LRMDA: variants seen among roughly 807,000 people sequenced by gnomAD.
LRMDA encodes the protein leucine-rich melanocyte differentiation-associated protein.
In LRMDA, 18 loss-of-function variants were observed where a neutral mutation model predicts 29.8. The observed-to-expected ratio is 0.60, with a 90% CI of 0.42 to 0.90. The LOEUF (loss-of-function observed/expected upper bound fraction) is 0.90. Ranked by LOEUF, LRMDA falls within the 40% of genes least tolerant of loss-of-function variation. LRMDA has a pLI of 0.00. For synonymous variants in LRMDA, 125 were observed against 109.4 expected (o/e 1.14, Z -0.89); for missense variants, 273 against 273.9 (o/e 1.00, Z 0.02).
intron 2 of LRMDA, among the ~76,000 whole-genome samples, chr10:75,472,489 A>G (rs1844738370): frequency 6.6e-6 from 1 of 152,234 alleles, no homozygotes; most frequent in African/African-American, 2.4e-5. Context: ...TGTAAGTGGC[A>G]GAACTCCCAA....
chr10:76,238,134 G>A (rs934627562), intron 5 of LRMDA, among the ~76,000 whole-genome samples: 2 of 152,006 alleles, frequency 1.3e-5, no homozygotes, highest in Admixed American at 1.3e-4. Flanking sequence ...CGAGGTCTTT[G>A]TATATCCTCT....
At chr10:76,451,441 G>A (rs748168034) in intron 6 of LRMDA, among the ~76,000 whole-genome samples, 17 of 151,882 alleles carry the variant, frequency 1.1e-4, no homozygotes, top group South Asian at 2.1e-4. Flanking sequence ...TCCTGACCTC[G>A]TGATCCGCCC....
intron 2 of LRMDA, among the ~76,000 whole-genome samples, chr10:75,466,010 C>T (rs1396534431): frequency 6.6e-6 from 1 of 152,192 alleles, no homozygotes; most frequent in East Asian, 1.9e-4. Flanking sequence ...TAGGCACTGC[C>T]CATCCATGGG....
At chr10:76,020,089 A>G (rs191048816) in intron 2 of LRMDA, among the ~76,000 whole-genome samples, 32 of 152,288 alleles carry the variant, frequency 2.1e-4, no homozygotes, top group African/African-American at 7.5e-4. Flanking sequence ...GTTTTCCTGG[A>G]TGCTGCATCA....
At chr10:75,940,521 C>T (rs1248063859) in intron 2 of LRMDA, among the ~76,000 whole-genome samples, 2 of 152,168 alleles carry the variant, frequency 1.3e-5, no homozygotes, top group Non-Finnish European at 2.9e-5. Flanking sequence ...TGAGAGTTTG[C>T]ACCCTGAGTT....
At chr10:76,352,539 G>A (rs569765247) in intron 6 of LRMDA, among the ~76,000 whole-genome samples, 11 of 152,040 alleles carry the variant, frequency 7.2e-5, no homozygotes, top group African/African-American at 2.4e-4. Context: ...GGAACAGGAT[G>A]GTGTGAGATT....
chr10:76,343,260 C>T (rs1018379279), intron 6 of LRMDA, among the ~76,000 whole-genome samples: 5 of 152,150 alleles, frequency 3.3e-5, no homozygotes, highest in Non-Finnish European at 7.3e-5. Flanking sequence ...TTGTGAAGTA[C>T]ATAAGGCCTT....
chr10:76,393,454 G>C (rs931897762), intron 6 of LRMDA, among the ~76,000 whole-genome samples: 2 of 152,008 alleles, frequency 1.3e-5, no homozygotes, highest in South Asian at 2.1e-4. Flanking sequence ...TTGATCATTT[G>C]TATGTCTTCT....
At chr10:75,879,576 A>T (rs1845259999) in intron 2 of LRMDA, among the ~76,000 whole-genome samples, 1 of 152,122 alleles carries the variant, frequency 6.6e-6, no homozygotes, top group Non-Finnish European at 1.5e-5. Context: ...ACTGGAATAT[A>T]AGGTCTGGGG....
rs748056788 is a variant in LRMDA at position 76,058,657 on chromosome 10, A to G, written c.399-9A>G. On this transcript the variant is annotated splice_polypyrimidine_tract_variant and intron_variant, in intron 4 of 6. Coordinates refer to ENST00000611255, the MANE Select transcript of LRMDA (RefSeq NM_001305581.2). ...ACTTCCTGAGTTGTCTCTGACTCTTATCTTCCAGATGCTTTGTTCTGTACA... is the reference window on the plus strand; with the variant it reads ...ACTTCCTGAGTTGTCTCTGACTCTTGTCTTCCAGATGCTTTGTTCTGTACA... 1 of 1,608,294 alleles carries G rather than the reference A, an allele frequency of 6.2e-7. No individual in the cohort carries two copies. Among genetic ancestry groups the G allele is most frequent in the Non-Finnish European group, 8.5e-7 (1 of 1,174,696 alleles).
At chr10:76,432,159 CT>C (rs1349681361) in intron 6 of LRMDA, among the ~76,000 whole-genome samples, 1 of 152,110 alleles carries the variant, frequency 6.6e-6, no homozygotes, top group Non-Finnish European at 1.5e-5. Flanking sequence ...ACTTCTTTCC[CT>C]GTATTTTAGT....
intron 2 of LRMDA, among the ~76,000 whole-genome samples, chr10:75,717,398 C>T (rs932403137): frequency 1.3e-5 from 2 of 152,196 alleles, no homozygotes; most frequent in South Asian, 2.1e-4. Context: ...CCTGGGGAAT[C>T]GTGGGATCCT....
intron 2 of LRMDA, among the ~76,000 whole-genome samples, chr10:75,795,045 C>A (rs191468108): frequency 2.6e-5 from 4 of 151,586 alleles, no homozygotes; most frequent in Admixed American, 2.6e-4. Context: ...TGAGTTTTGG[C>A]TTTTATGTTT....
chr10:75,692,218 AAATATATATATAT>A lies in LRMDA; in HGVS notation c.131+253726_131+253738del, dbSNP rs1214996114. On this transcript the variant is annotated intron_variant, in intron 2 of 6. Transcript: ENST00000611255. ...CCTTGTCTCTGGGGGGAAAAAAAAAAAATATATATATATATATATATATATATATACATATATA... is the reference window on the plus strand; with the variant it reads ...CCTTGTCTCTGGGGGGAAAAAAAAAAATATATATATATATATACATATATA... 3.6e-3 allele frequency among the ~76,000 whole-genome samples: 157 copies of A among 43,956 alleles called. 2 individuals are homozygous for A. The highest frequency in any genetic ancestry group is 0.012 in the African/African-American group (150 of 12,260). The allele number at this position is 43,956 out of a possible 152,430, so 28.8% of individuals were successfully genotyped here. A position where few individuals can be genotyped will look rare whatever the true frequency, so the allele number is the denominator to read the frequency against.
At chr10:76,201,786 C>A (rs1851435900) in intron 5 of LRMDA, among the ~76,000 whole-genome samples, 1 of 152,176 alleles carries the variant, frequency 6.6e-6, no homozygotes, top group African/African-American at 2.4e-5. Flanking sequence ...ACTGCTATAT[C>A]AATTAGCTTT....
chr10:76,062,855 AAG>A (rs1304060644), intron 5 of LRMDA, among the ~76,000 whole-genome samples: 2 of 152,166 alleles, frequency 1.3e-5, no homozygotes, highest in African/African-American at 4.8e-5. Context: ...CCCCCAAAGA[AAG>A]AGCCCGCTAG....
chr10:76,455,800 A>C (rs1186121125), intron 6 of LRMDA, among the ~76,000 whole-genome samples: 1 of 152,162 alleles, frequency 6.6e-6, no homozygotes, highest in African/African-American at 2.4e-5. Context: ...TTCTGGGACC[A>C]TCCTACTTAG....
chr10:75,906,948 T>C (rs1356632985), intron 2 of LRMDA, among the ~76,000 whole-genome samples: 1 of 152,234 alleles, frequency 6.6e-6, no homozygotes, highest in Non-Finnish European at 1.5e-5. Flanking sequence ...AATCTCTCTT[T>C]TTCCAGGGGA....
At chr10:75,791,624 C>A (rs942886124) in intron 2 of LRMDA, among the ~76,000 whole-genome samples, 3 of 152,154 alleles carry the variant, frequency 2.0e-5, no homozygotes, top group African/African-American at 4.8e-5. Flanking sequence ...ATTTTCTAAA[C>A]ATTTCAGAAT....
Sources: allele counts gnomAD v4.1 joint callset (sites outside exome capture counted in the v4.1 genomes callset), GRCh38; gene constraint gnomAD v4.1.1; transcripts MANE v1.5; gene names NCBI Gene and HGNC (gene_info 2026-07-23, HGNC 2026-07-21).